LGI2: variants seen among roughly 807,000 people sequenced by gnomAD.
LGI2 encodes the protein leucine-rich repeat LGI family member 2.
A neutral mutation model predicts 52.0 loss-of-function variants in LGI2; 30 were observed. The ratio of observed to expected loss-of-function variants is 0.58; its 90% CI spans 0.43 to 0.78. The LOEUF (loss-of-function observed/expected upper bound fraction) is 0.78. Among genes scored for constraint, LGI2 ranks in the 30% least tolerant of loss-of-function variants. The pLI, the probability that LGI2 is intolerant of heterozygous loss-of-function variation, is 0.00. For missense variants in LGI2, 573 were observed against 692.5 expected, an observed-to-expected ratio of 0.83 and a Z score of 1.94; for synonymous variants, 270 against 271.8, an observed-to-expected ratio of 0.99 and a Z score of 0.06.
At position 25,026,854 on chromosome 4, in the gene LGI2, A is replaced by C; in HGVS notation, c.341+14T>G. The C allele has an allele frequency of 6.3e-7, 1 of 1,598,520 alleles. No individual in the cohort carries two copies. Among genetic ancestry groups the C allele is most frequent in the Non-Finnish European group, 8.6e-7 (1 of 1,165,756 alleles). On this transcript the variant is annotated intron_variant, in intron 3 of 7. Transcript: ENST00000382114. ...TACCGAATGTTCAGCAAATAGACAA[A>C]GCACAAAACTTACAGGTATTCAAGA... is the stretch of plus-strand genomic sequence containing the variant.
rs1375887224 is a variant in LGI2 at position 25,026,781 on chromosome 4, C to T, written c.341+87G>A. The T allele has an allele frequency of 2.1e-5, 22 of 1,030,482 alleles. No homozygotes were observed. In the Admixed American group the frequency reaches 3.2e-4, roughly 15 times the overall value. 63.8% of individuals were successfully genotyped at this position (1,030,482 alleles called of 1,614,324 possible). A position where few individuals can be genotyped will look rare whatever the true frequency, so the allele number is the denominator to read the frequency against. On this transcript the variant is annotated intron_variant, in intron 3 of 7. Coordinates refer to ENST00000382114, the MANE Select transcript of LGI2 (RefSeq NM_018176.4). ...CAGTTTCTCCACCCCTAAACCCTTG[C>T]AGAGATGCTGTTCCAGCACAGAAAC...
rs577768273 is a variant in LGI2, at chr4:25,012,030, T to C, written c.820+305A>G. 3.2e-4 allele frequency among the ~76,000 whole-genome samples: 48 copies of C among 152,320 alleles called. 1 individual carries two copies. The highest frequency in any genetic ancestry group is 6.2e-4 in the South Asian group (3 of 4,828). On this transcript the variant is annotated intron_variant, in intron 7 of 7. Coordinates refer to ENST00000382114, the MANE Select transcript of LGI2 (RefSeq NM_018176.4). ...CTGGTGCAGACTTGGGCTCCCATACTGCTCAGGACAAGGGATTCTCAGTGT... is the reference window on the plus strand; with the variant it reads ...CTGGTGCAGACTTGGGCTCCCATACCGCTCAGGACAAGGGATTCTCAGTGT...
At chr4:24,995,717 C>A (rs1189812854), downstream of LGI2, among the ~76,000 whole-genome samples, 2 of 152,202 alleles carry the variant, frequency 1.3e-5, no homozygotes, top group African/African-American at 2.4e-5. Flanking sequence ...GGGAGGGAAA[C>A]CAGGCTCCAC....
intron 2 of LGI2, 131 bp from the exon 3 acceptor site, chr4:25,027,070 T>A: frequency 1.5e-6 from 1 of 684,214 alleles, no homozygotes; most frequent in South Asian, 1.8e-5. Flanking sequence ...GGAGACCACA[T>A]TTTGTTGTCA....
At chr4:25,023,024 G>A (rs1039725198) in intron 4 of LGI2, among the ~76,000 whole-genome samples, 1 of 152,086 alleles carries the variant, frequency 6.6e-6, no homozygotes, top group Non-Finnish European at 1.5e-5. Flanking sequence ...AGGCCATGGA[G>A]GAAGTTGGGA....
chr4:24,995,465 C>T (rs1725043341), downstream of LGI2, among the ~76,000 whole-genome samples: 1 of 152,194 alleles, frequency 6.6e-6, no homozygotes, highest in South Asian at 2.1e-4. Flanking sequence ...CATCTGAAGG[C>T]TTGACTGGGG....
chr4:25,019,860 G>T (rs989968460), intron 4 of LGI2, among the ~76,000 whole-genome samples: 19 of 152,154 alleles, frequency 1.2e-4, no homozygotes, highest in African/African-American at 4.6e-4. Flanking sequence ...TTTACTGGCT[G>T]TGTATTCCCC....
chr4:25,017,761 C>T (rs760379951), intron 6 of LGI2, among the ~76,000 whole-genome samples: 16 of 152,128 alleles, frequency 1.1e-4, no homozygotes, highest in Admixed American at 9.2e-4. Context: ...ATTTGAATTT[C>T]GTAAAGAAGC....
At chr4:25,014,484 C>CAAAA (rs11443287) in intron 6 of LGI2, among the ~76,000 whole-genome samples, 1 of 116,890 alleles carries the variant, frequency 8.6e-6, no homozygotes, top group Non-Finnish European at 1.7e-5. Flanking sequence ...CCGCCCCCGC[C>CAAAA]AAAAAAAAGG....
downstream of LGI2, among the ~76,000 whole-genome samples, chr4:24,994,543 A>G (rs1039302114): frequency 2.6e-5 from 4 of 152,162 alleles, no homozygotes; most frequent in Non-Finnish European, 5.9e-5. Flanking sequence ...TGAACACGCT[A>G]AAACCAATCT....
At chr4:25,022,134 G>C (rs920275698) in intron 4 of LGI2, among the ~76,000 whole-genome samples, 2 of 152,118 alleles carry the variant, frequency 1.3e-5, no homozygotes, top group Non-Finnish European at 2.9e-5. Context: ...CTTCCAACGT[G>C]CTGGGAGATA....
rs1725232474 is a variant in LGI2, at chr4:25,001,275, A to G, written c.*2176T>C. The G allele has an allele frequency of 6.6e-6, 1 of 152,136 alleles. No individual in the cohort carries two copies. Among genetic ancestry groups the G allele is most frequent in the Non-Finnish European group, 1.5e-5 (1 of 68,052 alleles). The allele number at this position is 152,136 out of a possible 1,614,324, so 9.4% of individuals were successfully genotyped here. A position where few individuals can be genotyped will look rare whatever the true frequency, so the allele number is the denominator to read the frequency against. On this transcript the variant is annotated 3_prime_UTR_variant, in exon 8 of 8. Transcript: ENST00000382114. ...TCAGAGGGGCAGCTGGGAATGTGAT[A>G]CCTCTCTGCAGTAGCAACACTGTGA...
intron 7 of LGI2, among the ~76,000 whole-genome samples, chr4:25,009,869 C>T (rs935006624): frequency 2.0e-5 from 3 of 152,142 alleles, no homozygotes; most frequent in African/African-American, 7.2e-5. Flanking sequence ...CTCCTGACCT[C>T]GTGATCCACC....
In LGI2 at chr4:25,030,633, C is replaced by A; in HGVS notation, c.61G>T (p.Ala21Ser). 1 of 1,548,404 alleles carries A rather than the reference C, an allele frequency of 6.5e-7. No individual in the cohort carries two copies. The highest frequency in any genetic ancestry group is 8.7e-7 in the Non-Finnish European group (1 of 1,147,592). Residue 21 changes from alanine to serine, a missense_variant, in exon 1 of 8, where the codon GCG becomes TCG. Physicochemically the swap from Ala to Ser is moderately conservative, Grantham distance 99. Coordinates refer to ENST00000382114, the MANE Select transcript of LGI2 (RefSeq NM_018176.4). ...LGLLLLLLGA[A>S]CLIPRSAQVR... ...TGCGCGCTCCGCGGTATCAGGCACGCGGCGCCCAGCAGCAGCAGCAGCAGC... is the reference window on the plus strand; with the variant it reads ...TGCGCGCTCCGCGGTATCAGGCACGAGGCGCCCAGCAGCAGCAGCAGCAGC...
chr4:25,014,919 A>G (rs1330645443), intron 6 of LGI2, among the ~76,000 whole-genome samples: 4 of 151,738 alleles, frequency 2.6e-5, no homozygotes, highest in African/African-American at 7.3e-5. Flanking sequence ...GTATCAGAGG[A>G]CCAGAGGAAT....
chr4:25,029,575 G>A (rs1382442557), intron 1 of LGI2, among the ~76,000 whole-genome samples: 1 of 152,244 alleles, frequency 6.6e-6, no homozygotes, highest in Non-Finnish European at 1.5e-5. Context: ...TGTCCTAGCA[G>A]TAAAGATACA....
intron 1 of LGI2, among the ~76,000 whole-genome samples, chr4:25,029,478 G>C (rs906462042): frequency 1.3e-5 from 2 of 152,204 alleles, no homozygotes; most frequent in Non-Finnish European, 2.9e-5. Flanking sequence ...CACAAGCAAC[G>C]TCACCCCGGG....
downstream of LGI2, among the ~76,000 whole-genome samples, chr4:24,995,260 A>C (rs1725037096): frequency 1.3e-5 from 2 of 152,362 alleles, no homozygotes; most frequent in South Asian, 4.1e-4. Context: ...CCCATTTGGC[A>C]GCAACCTCAT....
intron 1 of LGI2, 100 bp downstream of exon 1, chr4:25,030,397 G>T: frequency 7.8e-7 from 1 of 1,278,840 alleles, no homozygotes; most frequent in Non-Finnish European, 1.1e-6. Context: ...CCTGGGGAGT[G>T]GGTCAGGGTC....
Sources: gnomAD v4.1 joint callset for allele counts (sites outside exome capture counted in the v4.1 genomes callset) on GRCh38, gnomAD v4.1.1 for gene constraint, MANE v1.5 for transcripts, NCBI Gene and HGNC (gene_info 2026-07-23, HGNC 2026-07-21) for gene names.